WDR70: variants seen among roughly 807,000 people sequenced by gnomAD.
WDR70 encodes WD repeat domain 70, also known as WD repeat-containing protein 70.
Under a neutral mutation model 88.6 loss-of-function variants are expected in WDR70, and 53 were observed. The ratio of observed to expected loss-of-function variants is 0.60; its 90% confidence interval spans 0.48 to 0.75. WDR70 has a LOEUF of 0.75. Among genes scored for constraint, WDR70 ranks in the 30% least tolerant of loss-of-function variants. WDR70 has a pLI of 0.00. For synonymous variants in WDR70, 280 were observed against 270.0 expected, an observed-to-expected ratio of 1.04 and a Z score of -0.36; for missense variants, 610 against 823.2, an observed-to-expected ratio of 0.74 and a Z score of 3.17.
chr5:37,432,628 C>T (rs1298274252), intron 5 of WDR70, among the ~76,000 whole-genome samples: 11 of 151,998 alleles, frequency 7.2e-5, no homozygotes, highest in Middle Eastern at 3.2e-3. Context: ...GATCTCCTGA[C>T]CTTGTGATCC....
chr5:37,394,176 A>C (rs1748936723), intron 4 of WDR70, among the ~76,000 whole-genome samples: 1 of 151,506 alleles, frequency 6.6e-6, no homozygotes, highest in African/African-American at 2.4e-5. Context: ...GTGGTGGCTC[A>C]TGCCTGTAAT....
chr5:37,704,431 A>C (rs1408915626), intron 13 of WDR70, among the ~76,000 whole-genome samples: 2 of 152,216 alleles, frequency 1.3e-5, no homozygotes, highest in Admixed American at 6.5e-5. Flanking sequence ...ATATGATTGC[A>C]CTTTTAAAGA....
chr5:37,505,589 T>TAA (rs1337678999), intron 8 of WDR70: 1 of 692,076 alleles, frequency 1.4e-6, no homozygotes, highest in African/African-American at 1.8e-5. Context: ...AAAATTTCCT[T>TAA]ACAGTGTTAC....
At chr5:37,462,741 A>G (rs1351657552) in intron 7 of WDR70, among the ~76,000 whole-genome samples, 1 of 152,036 alleles carries the variant, frequency 6.6e-6, no homozygotes, top group Non-Finnish European at 1.5e-5. Flanking sequence ...TAATCTTAGC[A>G]TTGGAAATAA....
chr5:37,673,811 T>C (rs1746107784), intron 10 of WDR70, among the ~76,000 whole-genome samples: 1 of 151,742 alleles, frequency 6.6e-6, no homozygotes, highest in Non-Finnish European at 1.5e-5. Context: ...TGTTTCCCCC[T>C]CCCCATGTGT....
intron 10 of WDR70, among the ~76,000 whole-genome samples, chr5:37,650,087 C>G (rs1745356386): frequency 6.7e-6 from 1 of 149,296 alleles, no homozygotes; most frequent in African/African-American, 2.5e-5. Flanking sequence ...TTGTAGAACA[C>G]TGTTACTAGT....
intron 7 of WDR70, among the ~76,000 whole-genome samples, chr5:37,477,397 C>T (rs978822501): frequency 1.3e-5 from 2 of 152,114 alleles, no homozygotes; most frequent in Non-Finnish European, 2.9e-5. Context: ...AGCTTTATTT[C>T]CCCCACATAC....
At chr5:37,658,765 A>G (rs368378588) in intron 10 of WDR70, among the ~76,000 whole-genome samples, 2 of 152,082 alleles carry the variant, frequency 1.3e-5, no homozygotes, top group African/African-American at 4.8e-5. Context: ...AAACCCCAAA[A>G]TGGTCAAAAG....
At chr5:37,578,408 A>G (rs1479563374) in intron 9 of WDR70, among the ~76,000 whole-genome samples, 6 of 152,114 alleles carry the variant, frequency 3.9e-5, no homozygotes. Context: ...CTAGTAGTGG[A>G]TGTCGGAAAG....
intron 10 of WDR70, chr5:37,688,117 G>T (rs916122616): frequency 6.8e-6 from 3 of 444,430 alleles, no homozygotes; most frequent in Admixed American, 3.8e-5. Context: ...TATTAATAAA[G>T]TATATATTGA....
chr5:37,670,395 G>A (rs1205603510), intron 10 of WDR70, among the ~76,000 whole-genome samples: 1 of 152,212 alleles, frequency 6.6e-6, no homozygotes, highest in Admixed American at 6.5e-5. Flanking sequence ...AGGTGTGAGA[G>A]GCTACATTTC....
rs149785080 is a variant in WDR70 at position 37,591,640 on chromosome 5, C to T, written c.918-13424C>T. ...AGAAAAAATTCCAATTCTATACAAA[C>T]TCTTCCAGAAACTAAAAGAAGAAAC... is the stretch of plus-strand genomic sequence containing the variant. On this transcript the variant is annotated intron_variant, in intron 9 of 17. Transcript: ENST00000265107. Among the ~76,000 whole-genome samples, 13 of 152,338 alleles carry T rather than the reference C, an allele frequency of 8.5e-5. No homozygotes were observed. The East Asian group carries it at 2.5e-3, about 29-fold the overall frequency.
chr5:37,425,446 C>T (rs1581268546), intron 5 of WDR70, among the ~76,000 whole-genome samples: 2 of 152,200 alleles, frequency 1.3e-5, no homozygotes, highest in East Asian at 1.9e-4. Context: ...AGGAAGTTGA[C>T]CATGTAGATA....
At position 37,469,952 on chromosome 5, in the gene WDR70, C is replaced by T. The variant is rs115768700; in HGVS notation, c.687-9882C>T. On this transcript the variant is annotated intron_variant, in intron 7 of 17. Coordinates refer to ENST00000265107, the MANE Select transcript of WDR70 (RefSeq NM_018034.4). ...ATATTTATGTTTCCTATATTTGTAA[C>T]GAACATTCTTCTTCCTTTACATTTT... 3.5e-3 allele frequency among the ~76,000 whole-genome samples: 526 copies of T among 152,164 alleles called. 4 individuals are homozygous for T. The highest frequency in any genetic ancestry group is 0.012 in the African/African-American group (500 of 41,516).
chr5:37,558,560 A>T (rs946339426), intron 9 of WDR70, among the ~76,000 whole-genome samples: 1 of 152,010 alleles, frequency 6.6e-6, no homozygotes, highest in Admixed American at 6.5e-5. Context: ...TCCTCGGCTC[A>T]AACAATCCAC....
At chr5:37,387,963 T>C (rs751063988) in intron 3 of WDR70, among the ~76,000 whole-genome samples, 4 of 152,140 alleles carry the variant, frequency 2.6e-5, no homozygotes, top group Non-Finnish European at 4.4e-5. Context: ...TGAGCTGTCT[T>C]GGTTGCTAAG....
chr5:37,415,005 A>G (rs1342101354), intron 5 of WDR70, among the ~76,000 whole-genome samples: 1 of 151,036 alleles, frequency 6.6e-6, no homozygotes, highest in Non-Finnish European at 1.5e-5. Flanking sequence ...TGCTGCCTTC[A>G]AGCATCTGTT....
chr5:37,538,645 T>C (rs1741732214), intron 9 of WDR70, among the ~76,000 whole-genome samples: 1 of 152,184 alleles, frequency 6.6e-6, no homozygotes, highest in South Asian at 2.1e-4. Context: ...ACTTTTTAAT[T>C]CCAGGAGTTT....
At chr5:37,699,768 T>C (rs1306754200) in intron 11 of WDR70, among the ~76,000 whole-genome samples, 2 of 151,826 alleles carry the variant, frequency 1.3e-5, no homozygotes, top group African/African-American at 4.8e-5. Flanking sequence ...GAAAACATGA[T>C]GAAACCCTGT....
Sources: allele counts gnomAD v4.1 joint callset (sites outside exome capture counted in the v4.1 genomes callset), GRCh38; gene constraint gnomAD v4.1.1; transcripts MANE v1.5; gene names NCBI Gene and HGNC (gene_info 2026-07-23, HGNC 2026-07-21).